ASTN2: variants seen among roughly 807,000 people sequenced by gnomAD.
ASTN2 encodes astrotactin-2.
A neutral mutation model predicts 139.8 loss-of-function variants in ASTN2; 54 were observed. The ratio of observed to expected loss-of-function variants is 0.39; its 90% CI spans 0.31 to 0.48. The LOEUF (loss-of-function observed/expected upper bound fraction) is 0.48. ASTN2 is among the 20% of genes least tolerant of loss of function. The probability of loss-of-function intolerance (pLI) is 0.95; values close to 1 mark genes in which losing one functional copy is unlikely to be tolerated. For synonymous variants in ASTN2, 756 were observed against 719.5 expected, an observed-to-expected ratio of 1.05 and a Z score of -0.81; for missense variants, 1,565 against 1,725.1, an observed-to-expected ratio of 0.91 and a Z score of 1.64.
chr9:117,176,505 T>C (rs1830921117), intron 3 of ASTN2, among the ~76,000 whole-genome samples: 1 of 152,202 alleles, frequency 6.6e-6, no homozygotes, highest in African/African-American at 2.4e-5. Context: ...ATTTACTTTA[T>C]TGCATGATAA....
chr9:116,966,182 TAAC>T (rs1419757979), intron 10 of ASTN2, among the ~76,000 whole-genome samples: 1 of 152,244 alleles, frequency 6.6e-6, no homozygotes, highest in Non-Finnish European at 1.5e-5. Flanking sequence ...AATGCAGATA[TAAC>T]AACTCATTTC....
intron 10 of ASTN2, among the ~76,000 whole-genome samples, chr9:116,870,694 C>T (rs1451803308): frequency 1.3e-5 from 2 of 152,140 alleles, no homozygotes; most frequent in African/African-American, 2.4e-5. Context: ...AGTACAAATG[C>T]GTCACCTGGA....
At chr9:117,231,701 T>A (rs555263883) in intron 2 of ASTN2, among the ~76,000 whole-genome samples, 29 of 151,294 alleles carry the variant, frequency 1.9e-4, no homozygotes, top group African/African-American at 7.0e-4. Flanking sequence ...GGGAAGCGAG[T>A]GAGGAATAAA....
At chr9:116,674,148 A>T (rs1859362659) in intron 16 of ASTN2, among the ~76,000 whole-genome samples, 1 of 152,200 alleles carries the variant, frequency 6.6e-6, no homozygotes, top group South Asian at 2.1e-4. Flanking sequence ...TGGAGGTTAC[A>T]AGATGCTGAC....
chr9:116,463,278 A>G (rs903310367), intron 20 of ASTN2, among the ~76,000 whole-genome samples: 2 of 152,028 alleles, frequency 1.3e-5, no homozygotes, highest in African/African-American at 4.8e-5. Context: ...CACTTCTCCA[A>G]GGGTCTTTTT....
chr9:116,790,955 AAAAG>A (rs1158554621), intron 13 of ASTN2, among the ~76,000 whole-genome samples: 2 of 99,702 alleles, frequency 2.0e-5, no homozygotes, highest in African/African-American at 3.9e-5. Context: ...AGAAAGAAAG[AAAAG>A]AAAGAAGGAA....
chr9:117,244,762 G>GAGAGGGAAGGAGGGAAGGAGGGAT (rs1376416890), intron 2 of ASTN2, among the ~76,000 whole-genome samples: 16 of 148,348 alleles, frequency 1.1e-4, no homozygotes, highest in Non-Finnish European at 1.8e-4. Context: ...GAGGGAGGGA[G>GAGAGGGAAGGAGGGAAGGAGGGAT]AGAGGGAAGG....
chr9:117,078,100 C>A (rs1165380394), intron 5 of ASTN2, among the ~76,000 whole-genome samples: 2 of 152,158 alleles, frequency 1.3e-5, no homozygotes, highest in African/African-American at 4.8e-5. Context: ...CTCCCTTAGA[C>A]TTGTATATAG....
intron 3 of ASTN2, among the ~76,000 whole-genome samples, chr9:117,174,516 A>G (rs1386518253): frequency 6.6e-6 from 1 of 152,032 alleles, no homozygotes. Flanking sequence ...ATAATTACAT[A>G]TACAAATATT....
intron 19 of ASTN2, among the ~76,000 whole-genome samples, chr9:116,510,980 T>C (rs1364115059): frequency 1.3e-5 from 2 of 152,208 alleles, no homozygotes; most frequent in Non-Finnish European, 2.9e-5. Context: ...TTTTCCTAAT[T>C]GAGTACCCTT....
At chr9:117,049,043 C>G (rs1463827306) in intron 5 of ASTN2, among the ~76,000 whole-genome samples, 7 of 140,170 alleles carry the variant, frequency 5.0e-5, no homozygotes, top group Non-Finnish European at 1.1e-4. Context: ...TCTCAGCACA[C>G]TGCAACCTCT....
At chr9:116,550,678 G>A (rs376868543) in intron 19 of ASTN2, among the ~76,000 whole-genome samples, 3 of 152,128 alleles carry the variant, frequency 2.0e-5, no homozygotes, top group African/African-American at 7.2e-5. Context: ...CAGATCTACA[G>A]CAACTTTAAC....
rs774738268 is a variant in ASTN2, at chr9:116,733,522, C to T, written c.2398G>A (p.Glu800Lys). ...QGQVFQMTFR[E>K]NNFIKDFPQL... ...GGAAAGTCCTTGATGAAGTTGTTCTCCCTGTGGAGAGGAGCAGAGAGACTG... is the reference window on the plus strand; with the variant it reads ...GGAAAGTCCTTGATGAAGTTGTTCTTCCTGTGGAGAGGAGCAGAGAGACTG... The change falls in exon 14 of 23, where the codon GAG becomes AAG. Residue 800 changes from glutamate (E) to lysine (K), a missense_variant and splice_region_variant. Around this residue, in one of 4 missense-constraint regions of ASTN2, gnomAD observed 503 missense variants for 591.7 expected, o/e 0.85. Transcript: ENST00000313400. 1.5e-5 allele frequency: 25 copies of T among 1,614,022 alleles called. No homozygotes were observed. Among genetic ancestry groups the T allele is most frequent in the Non-Finnish European group, 2.0e-5 (24 of 1,180,032 alleles).
At chr9:117,110,289 C>T (rs1829218055) in intron 4 of ASTN2, among the ~76,000 whole-genome samples, 3 of 152,238 alleles carry the variant, frequency 2.0e-5, no homozygotes, top group South Asian at 4.1e-4. Context: ...CCATTTTGAC[C>T]TGCTTCTGGG....
intron 16 of ASTN2, among the ~76,000 whole-genome samples, chr9:116,672,695 GT>G (rs1859270668): frequency 6.6e-6 from 1 of 152,210 alleles, no homozygotes; most frequent in Admixed American, 6.5e-5. Flanking sequence ...GGGAAGGGAA[GT>G]ACAGAAGGCT....
intron 3 of ASTN2, chr9:117,181,012 T>C: frequency 6.3e-7 from 1 of 1,592,558 alleles, no homozygotes; most frequent in Non-Finnish European, 8.5e-7. Flanking sequence ...CATGCCTGTT[T>C]GGAGCCTGCA....
chr9:117,408,868 A>G (rs571906343), intron 1 of ASTN2, among the ~76,000 whole-genome samples: 1 of 152,310 alleles, frequency 6.6e-6, no homozygotes, highest in Non-Finnish European at 1.5e-5. Flanking sequence ...TGCCCTGAGC[A>G]TTAAATAAAT....
At chr9:117,056,856 G>T (rs184882452) in intron 5 of ASTN2, among the ~76,000 whole-genome samples, 1 of 152,192 alleles carries the variant, frequency 6.6e-6, no homozygotes, top group Non-Finnish European at 1.5e-5. Flanking sequence ...GATTAGAGTC[G>T]CACAGGGCTA....
chr9:116,462,093 T>C (rs1296587625), intron 20 of ASTN2, among the ~76,000 whole-genome samples: 1 of 152,174 alleles, frequency 6.6e-6, no homozygotes, highest in Non-Finnish European at 1.5e-5. Context: ...AACCGGTAAT[T>C]GGCAAGCCAG....
Sources: gnomAD v4.1 joint callset for allele counts (sites outside exome capture counted in the v4.1 genomes callset) on GRCh38, gnomAD v4.1.1 for gene constraint, gnomAD v4.1.1 regional missense constraint, MANE v1.5 for transcripts, NCBI Gene and HGNC (gene_info 2026-07-23, HGNC 2026-07-21) for gene names.